GKN2: variants seen among roughly 807,000 people sequenced by gnomAD.
GKN2 encodes gastrokine-2.
A neutral mutation model predicts 22.7 loss-of-function variants in GKN2; 17 were observed. The ratio of observed to expected loss-of-function variants is 0.75; its 90% CI spans 0.51 to 1.13. The LOEUF (loss-of-function observed/expected upper bound fraction) is 1.13. Among genes scored for constraint, GKN2 ranks in the 50% most tolerant of loss-of-function variants. The probability of loss-of-function intolerance (pLI) is 0.00; values close to 1 mark genes in which losing one functional copy is unlikely to be tolerated. For missense variants in GKN2, 248 were observed against 221.4 expected (o/e 1.12, Z -0.76); for synonymous variants, 82 against 79.6 (o/e 1.03, Z -0.16).
intron 5 of GKN2, chr2:68,945,794 A>T (rs1311461157): frequency 4.3e-6 from 1 of 230,308 alleles, no homozygotes; most frequent in Non-Finnish European, 8.5e-6. Flanking sequence ...GAAACTTTGT[A>T]TAAAAATGAC....
intron 2 of GKN2, 25 bp from the exon 3 acceptor site, chr2:68,950,288 G>A (rs759534191): frequency 3.8e-6 from 6 of 1,596,412 alleles, no homozygotes; most frequent in Non-Finnish European, 5.1e-6. Context: ...AAGACAAAAT[G>A]TTTTTCCATA....
chr2:68,950,377 A>C, intron 2 of GKN2, 114 bp from the exon 3 acceptor site: 1 of 1,022,524 alleles, frequency 9.8e-7, no homozygotes, highest in South Asian at 1.7e-5. Context: ...AAAAACTAAA[A>C]CTGTCCACTG....
At chr2:68,947,528 G>T (rs1669787508) in intron 3 of GKN2, among the ~76,000 whole-genome samples, 1 of 152,072 alleles carries the variant, frequency 6.6e-6, no homozygotes, top group South Asian at 2.1e-4. Context: ...TGCAGTTTGA[G>T]GTTTGAAAGA....
At chr2:68,945,992 G>C (rs2103887841) in intron 5 of GKN2, 1 of 381,656 alleles carries the variant, frequency 2.6e-6, no homozygotes, top group East Asian at 3.9e-5. Flanking sequence ...TTTGCTACTT[G>C]AAATTCTTAC....
chr2:68,948,064 T>C (rs549518045), intron 3 of GKN2, among the ~76,000 whole-genome samples: 42 of 151,720 alleles, frequency 2.8e-4, no homozygotes, highest in Non-Finnish European at 5.7e-4. Context: ...GCTAACATGG[T>C]GAAACCCCGT....
At chr2:68,945,511 G>T (rs768347657) in intron 5 of GKN2, 61 bp from the exon 6 acceptor site, 4 of 1,207,868 alleles carry the variant, frequency 3.3e-6, no homozygotes, top group Non-Finnish European at 4.8e-6. Context: ...GGAATTATTA[G>T]AATAATAATA....
In GKN2 at chr2:68,951,804, G is replaced by A. The variant is rs538486200; in HGVS notation, c.12+1046C>T. On this transcript the variant is annotated intron_variant, in intron 1 of 5. Coordinates refer to ENST00000328895, the MANE Select transcript of GKN2 (RefSeq NM_182536.3). The stretch of plus-strand genomic sequence containing the variant: ...TAGTGGTTTGAACAAGTAGTCGAAG[G>A]ACTAAACCACTTTAATGGTATGATT... Among the ~76,000 whole-genome samples the A allele has an allele frequency of 2.4e-4, 37 of 152,302 alleles. No homozygotes were observed. In the South Asian group the frequency reaches 3.5e-3, roughly 14 times the overall value.
At chr2:68,945,517 T>A (rs1302834646) in intron 5 of GKN2, 67 bp from the exon 6 acceptor site, 1 of 1,197,234 alleles carries the variant, frequency 8.4e-7, no homozygotes, top group East Asian at 2.5e-5. Flanking sequence ...ATTAGAATAA[T>A]AATACATTAG....
rs1256155291 is a variant in GKN2, at chr2:68,950,709, C to G, written c.59G>C (p.Gly20Ala). Reference sequence around the variant, plus strand: ...CATAAGGAACCAACTCACCTCGTATCCATGAGATTGTATCCCAAAGATGGT... The same window carrying G: ...CATAAGGAACCAACTCACCTCGTATGCATGAGATTGTATCCCAAAGATGGT... ...VLTIFGIQSH[G>A]YEVFNIISPS... Residue 20 changes from glycine to alanine, a missense_variant, in exon 2 of 6, where the codon GGA becomes GCA. By Grantham distance (60) the Gly-to-Ala change is moderately conservative. Coordinates refer to ENST00000328895, the MANE Select transcript of GKN2 (RefSeq NM_182536.3). The G allele has an allele frequency of 1.2e-6, 2 of 1,613,936 alleles. No homozygotes were observed. Among genetic ancestry groups the G allele is most frequent in the Non-Finnish European group, 1.7e-6 (2 of 1,179,914 alleles).
chr2:68,950,636 C>G lies in GKN2; in HGVS notation c.66+66G>C, dbSNP rs1315223741. The G allele has an allele frequency of 7.7e-6, 11 of 1,423,390 alleles. No individual in the cohort carries two copies. The Admixed American group carries it at 8.4e-5, about 11-fold the overall frequency. The allele number at this position is 1,423,390 out of a possible 1,614,324, so 88.2% of individuals were successfully genotyped here. On this transcript the variant is annotated intron_variant, in intron 2 of 5. Transcript: ENST00000328895. The stretch of plus-strand genomic sequence containing the variant: ...ATGGCCTCTCTACTGTCTTCAGGCT[C>G]TCTTGTACCTTCCCTTTCCTCTCCC...
At chr2:68,949,567 G>A (rs970889937) in intron 3 of GKN2, among the ~76,000 whole-genome samples, 3 of 151,760 alleles carry the variant, frequency 2.0e-5, no homozygotes, top group Admixed American at 2.0e-4. Flanking sequence ...CCACAGGCCC[G>A]CACCACCACA....
In GKN2 at chr2:68,946,323, C is replaced by T. The variant is rs576068578; in HGVS notation, c.453G>A (p.Gly151=). 2.9e-5 allele frequency: 46 copies of T among 1,609,354 alleles called. 1 individual carries two copies. In the African/African-American group the frequency reaches 4.0e-4, roughly 14 times the overall value. ...KLCKHIPLYK[G]EVVENTHNVG... The stretch of plus-strand genomic sequence containing the variant: ...ACTCACGTGTGTTTTCAACCACTTC[C>T]CCCTTATACAAAGGGATATGTTTGC... Residue 151 remains glycine, a synonymous_variant, in exon 5 of 6, where the codon GGG becomes GGA. Transcript: ENST00000328895.
chr2:68,945,340 A>G lies in GKN2; in HGVS notation c.*28T>C, dbSNP rs765727893. ...TGTAAACCAAGGATGTATTTCTTTG[A>G]AAAGATAAAACAAGAGGGCTAATCA... On this transcript the variant is annotated 3_prime_UTR_variant, in exon 6 of 6. Transcript: ENST00000328895. The G allele has an allele frequency of 1.3e-6, 2 of 1,501,000 alleles. No individual in the cohort carries two copies. The highest frequency in any genetic ancestry group is 9.1e-7 in the Non-Finnish European group (1 of 1,100,400). 93.0% of individuals were successfully genotyped at this position (1,501,000 alleles called of 1,614,324 possible).
intron 1 of GKN2, 144 bp downstream of exon 1, chr2:68,952,706 A>G: frequency 1.5e-6 from 1 of 674,026 alleles, no homozygotes; most frequent in Non-Finnish European, 2.3e-6. Flanking sequence ...TATTTCTGCC[A>G]AAGATGTCAT....
intron 2 of GKN2, among the ~76,000 whole-genome samples, 197 bp from the exon 3 acceptor site, chr2:68,950,460 G>A (rs1669839894): frequency 6.6e-6 from 1 of 152,154 alleles, no homozygotes; most frequent in Non-Finnish European, 1.5e-5. Flanking sequence ...TATTATATAT[G>A]GGAGAAGCAG....
At chr2:68,947,337 G>A (rs1484548247) in intron 3 of GKN2, 80 bp from the exon 4 acceptor site, 4 of 872,982 alleles carry the variant, frequency 4.6e-6, no homozygotes, top group Admixed American at 1.7e-5. Context: ...CTGAACCTCG[G>A]AAGAAAGACT....
At chr2:68,945,953 A>G in intron 5 of GKN2, 1 of 326,996 alleles carries the variant, frequency 3.1e-6, no homozygotes, top group African/African-American at 2.1e-5. Flanking sequence ...TATCTTCAAA[A>G]TATGCTATTC....
rs531244662 is a variant in GKN2 at position 68,945,442 on chromosome 2, C to T, written c.481G>A (p.Gly161Ser). Residue 161 changes from glycine to serine, a missense_variant, in exon 6 of 6, where the codon GGT becomes AGT. Physicochemically the swap from Gly to Ser is moderately conservative, Grantham distance 56. Transcript: ENST00000328895. ...CCAGCCTTTGCACAGCCTCCAGCAC[C>T]GACATTATCTGGAAAAGGGAAAATT... ...GEVVENTHNVGAGGCAKAGLL... is the reference protein window; with the variant it reads ...GEVVENTHNVSAGGCAKAGLL... 4.1e-5 allele frequency: 66 copies of T among 1,606,258 alleles called. No individual in the cohort carries two copies. The highest frequency in any genetic ancestry group is 3.1e-4 in the African/African-American group (23 of 74,812).
At chr2:68,949,709 T>C (rs538885602) in intron 3 of GKN2, among the ~76,000 whole-genome samples, 1 of 152,292 alleles carries the variant, frequency 6.6e-6, no homozygotes, top group Non-Finnish European at 1.5e-5. Context: ...CATGAGCCAC[T>C]GTGCCTGACC....
Sources: gnomAD v4.1 joint callset for allele counts (sites outside exome capture counted in the v4.1 genomes callset) on GRCh38, gnomAD v4.1.1 for gene constraint, MANE v1.5 for transcripts, NCBI Gene and HGNC (gene_info 2026-07-23, HGNC 2026-07-21) for gene names.